The following ZSCAN25 variants were observed in gnomAD, a reference collection of about 807,000 sequenced individuals.
ZSCAN25 encodes the protein zinc finger and SCAN domain containing 25, also known as zinc finger and SCAN domain-containing protein 25.
ZSCAN25 carries 27 observed loss-of-function variants against 38.7 expected under a neutral mutation model. The ratio of observed to expected loss-of-function variants is 0.70; its 90% CI spans 0.51 to 0.96. The LOEUF (loss-of-function observed/expected upper bound fraction) is 0.96. Ranked by LOEUF, ZSCAN25 falls within the 40% of genes least tolerant of loss-of-function variation. ZSCAN25 has a pLI of 0.00. For missense variants in ZSCAN25, 637 were observed against 705.9 expected, an observed-to-expected ratio of 0.90 and a Z score of 1.11; for synonymous variants, 273 against 277.7, an observed-to-expected ratio of 0.98 and a Z score of 0.17.
the ZSCAN25 span, among the ~76,000 whole-genome samples, chr7:99,658,616 TGAATGTTGG>T: frequency 6.6e-6 from 1 of 152,226 alleles, no homozygotes; most frequent in Admixed American, 6.5e-5. Context: ...TTCCTGAATT[TGAATGTTGG>T]CCTGCCTTGC....
At chr7:99,666,437 G>A in the ZSCAN25 span, among the ~76,000 whole-genome samples, 1 of 152,112 alleles carries the variant, frequency 6.6e-6, no homozygotes, top group African/African-American at 2.4e-5. Context: ...CTGACTTGCC[G>A]CCTCATGGGA....
the ZSCAN25 span, among the ~76,000 whole-genome samples, chr7:99,694,626 C>T: frequency 9.2e-5 from 14 of 152,190 alleles, no homozygotes; most frequent in African/African-American, 2.2e-4. Flanking sequence ...GAAAAGGTGG[C>T]GGGGAAATTA....
the ZSCAN25 span, among the ~76,000 whole-genome samples, chr7:99,656,845 C>G: frequency 1.3e-5 from 2 of 152,144 alleles, no homozygotes; most frequent in Non-Finnish European, 2.9e-5. Flanking sequence ...TCCATTTCTT[C>G]TAGATTTTCT....
At chr7:99,665,237 T>C in the ZSCAN25 span, 90 of 1,614,138 alleles carry the variant, frequency 5.6e-5, no homozygotes, top group East Asian at 1.9e-3. Context: ...AAAGGGGTCT[T>C]GTGGATTGTT....
At chr7:99,698,676 T>C in the ZSCAN25 span, among the ~76,000 whole-genome samples, 1 of 152,208 alleles carries the variant, frequency 6.6e-6, no homozygotes, top group Non-Finnish European at 1.5e-5. Context: ...TTTAGACTCA[T>C]ATTCCTGACA....
the ZSCAN25 span, among the ~76,000 whole-genome samples, chr7:99,684,798 A>G: frequency 6.6e-6 from 1 of 152,224 alleles, no homozygotes; most frequent in African/African-American, 2.4e-5. Flanking sequence ...ATTTTCATTA[A>G]TAATTTTGGA....
chr7:99,734,313 T>C, the ZSCAN25 span, among the ~76,000 whole-genome samples: 1 of 152,082 alleles, frequency 6.6e-6, no homozygotes. Flanking sequence ...CAGTAGGGAG[T>C]GACTCTTCTC....
the ZSCAN25 span, chr7:99,695,724 GA>G: frequency 5.4e-5 from 86 of 1,598,834 alleles, no homozygotes; most frequent in Non-Finnish European, 7.2e-5. Context: ...AGAAGCCAAA[GA>G]GTGAGCTCAA....
the ZSCAN25 span, among the ~76,000 whole-genome samples, chr7:99,691,966 A>G: frequency 1.6e-4 from 25 of 152,232 alleles, no homozygotes; most frequent in East Asian, 4.4e-3. Context: ...TTGCCCATTA[A>G]TTGATGCAGT....
At chr7:99,670,645 C>T in the ZSCAN25 span, among the ~76,000 whole-genome samples, 1 of 152,198 alleles carries the variant, frequency 6.6e-6, no homozygotes, top group Non-Finnish European at 1.5e-5. Flanking sequence ...CTTTACTGGA[C>T]TTTTGTAAGA....
the ZSCAN25 span, among the ~76,000 whole-genome samples, chr7:99,686,578 G>A: frequency 2.8e-4 from 42 of 152,350 alleles, no homozygotes; most frequent in African/African-American, 9.4e-4. Flanking sequence ...CACCTCTGGG[G>A]GCAGGGCACA....
chr7:99,705,550 G>A, the ZSCAN25 span: 12 of 1,613,618 alleles, frequency 7.4e-6, no homozygotes, highest in Non-Finnish European at 1.0e-5. Flanking sequence ...AGAACAATGG[G>A]TTTTTCTGTT....
At chr7:99,691,324 A>G in the ZSCAN25 span, among the ~76,000 whole-genome samples, 2 of 152,192 alleles carry the variant, frequency 1.3e-5, no homozygotes, top group Admixed American at 6.5e-5. Context: ...GGATAGCATT[A>G]GGAGATATAC....
chr7:99,629,816 G>A lies in ZSCAN25; in HGVS notation c.1431G>A (p.Arg477=), dbSNP rs1197255670. The A allele has an allele frequency of 1.2e-6, 2 of 1,614,232 alleles. No individual in the cohort carries two copies. The highest frequency in any genetic ancestry group is 1.7e-6 in the Non-Finnish European group (2 of 1,180,040). The change falls in exon 8 of 8, where the codon CGG becomes CGA. Residue 477 remains arginine (R), a synonymous_variant. Transcript: ENST00000394152. This position sits in a 1 kb window ranked among gnomAD's most constrained non-coding sequence, Gnocchi z 5.6. ...FSRNANLAVH[R]RAHTGEKPYG... The stretch of plus-strand genomic sequence containing the variant: ...GGAATGCCAATCTGGCGGTGCACCG[G>A]CGTGCCCACACTGGCGAGAAGCCAT...
At chr7:99,720,722 A>G in the ZSCAN25 span, 1 of 303,310 alleles carries the variant, frequency 3.3e-6, no homozygotes, top group Non-Finnish European at 6.3e-6. Context: ...TGGTGCATAC[A>G]TGGGTATTTC....
chr7:99,687,381 G>A, the ZSCAN25 span, among the ~76,000 whole-genome samples: 1 of 152,232 alleles, frequency 6.6e-6, no homozygotes, highest in Admixed American at 6.5e-5. Flanking sequence ...GAATGCAGAA[G>A]CCTCAGGAGC....
chr7:99,619,404 A>G, intron 3 of ZSCAN25, 157 bp from the exon 4 acceptor site: 1 of 601,790 alleles, frequency 1.7e-6, no homozygotes, highest in Non-Finnish European at 2.8e-6. Flanking sequence ...TTAGCAAATG[A>G]TTACTATGTT....
rs139861419 is a variant in ZSCAN25, at chr7:99,628,534, G to T, written c.806-657G>T. Reference sequence around the variant, plus strand: ...TCAGCAGCGTCATGGTCTCAGTCCTGATAAATATGCTACCTAGGGGCGTTC... The same window carrying T: ...TCAGCAGCGTCATGGTCTCAGTCCTTATAAATATGCTACCTAGGGGCGTTC... On this transcript the variant is annotated intron_variant, in intron 7 of 7. Transcript: ENST00000394152. Among the ~76,000 whole-genome samples the T allele has an allele frequency of 2.3e-4, 35 of 152,368 alleles. 1 individual carries two copies. In the East Asian group the frequency reaches 5.8e-3, roughly 25 times the overall value.
chr7:99,638,776 A>G, the ZSCAN25 span: 1 of 970,406 alleles, frequency 1.0e-6, no homozygotes, highest in Non-Finnish European at 1.7e-6. Flanking sequence ...CGCGTCAGAG[A>G]AGCTGGGGCC....
Sources: gnomAD v4.1 joint callset for allele counts (sites outside exome capture counted in the v4.1 genomes callset) on GRCh38, gnomAD v4.1.1 for gene constraint, Gnocchi (gnomAD v3.1) non-coding constraint, MANE v1.5 for transcripts, NCBI Gene and HGNC (gene_info 2026-07-23, HGNC 2026-07-21) for gene names.